GLMN: variants seen among roughly 807,000 people sequenced by gnomAD.
The protein encoded by GLMN is glomulin.
Under a neutral mutation model 87.8 loss-of-function variants are expected in GLMN, and 75 were observed. The observed-to-expected ratio is 0.85, with a 90% CI of 0.71 to 1.04. The LOEUF is 1.04. Ranked by LOEUF, GLMN falls within the 50% of genes least tolerant of loss-of-function variation. The pLI is 0.00. For missense variants in GLMN, 588 were observed against 658.8 expected, an observed-to-expected ratio of 0.89 and a Z score of 1.18; for synonymous variants, 206 against 221.6, an observed-to-expected ratio of 0.93 and a Z score of 0.63.
At chr1:92,258,437 T>G (rs923266701) in intron 16 of GLMN, among the ~76,000 whole-genome samples, 1 of 152,138 alleles carries the variant, frequency 6.6e-6, no homozygotes, top group Admixed American at 6.6e-5. Context: ...CATTCTACTA[T>G]AAAGACACAT....
At chr1:92,293,219 AT>A (rs2101051313) in intron 3 of GLMN, among the ~76,000 whole-genome samples, 1 of 152,332 alleles carries the variant, frequency 6.6e-6, no homozygotes, top group Admixed American at 6.5e-5. Context: ...ACGCATCATT[AT>A]CATCAGAGAA....
the GLMN span, among the ~76,000 whole-genome samples, chr1:92,367,598 T>C: frequency 6.6e-6 from 1 of 152,220 alleles, no homozygotes; most frequent in African/African-American, 2.4e-5. Context: ...ATCACCTTTA[T>C]GCATGGTAAT....
the GLMN span, among the ~76,000 whole-genome samples, chr1:92,314,565 C>T: frequency 1.3e-5 from 2 of 151,788 alleles, no homozygotes; most frequent in Non-Finnish European, 2.9e-5. Context: ...GCCTGGCCAA[C>T]AGGGTGAAAC....
chr1:92,330,482 C>G, the GLMN span, among the ~76,000 whole-genome samples: 1,720 of 93,450 alleles, frequency 0.018, 53 homozygotes, highest in African/African-American at 0.066. Context: ...GGAATCTTCT[C>G]TGTTGCCCAG....
chr1:92,309,148 G>A, the GLMN span, among the ~76,000 whole-genome samples: 1 of 151,940 alleles, frequency 6.6e-6, no homozygotes, highest in African/African-American at 2.4e-5. Flanking sequence ...AAAGAAAGAT[G>A]AAAATGTCCT....
intron 16 of GLMN, among the ~76,000 whole-genome samples, chr1:92,261,764 C>T (rs559969880): frequency 1.2e-3 from 180 of 151,402 alleles, no homozygotes; most frequent in Non-Finnish European, 2.3e-3. Flanking sequence ...TGAAATATTT[C>T]GGAGAAAGTA....
chr1:92,260,826 A>G (rs2100854440), intron 16 of GLMN, among the ~76,000 whole-genome samples: 1 of 151,830 alleles, frequency 6.6e-6, no homozygotes, highest in South Asian at 2.1e-4. Flanking sequence ...TCTTCACCAT[A>G]AAATGTACAT....
intron 16 of GLMN, among the ~76,000 whole-genome samples, chr1:92,258,225 A>G (rs1206286762): frequency 2.7e-5 from 4 of 149,674 alleles, no homozygotes; most frequent in African/African-American, 9.9e-5. Flanking sequence ...GCCAGTTAGA[A>G]TGGCGATCAT....
chr1:92,313,372 T>A, the GLMN span, among the ~76,000 whole-genome samples: 1 of 152,204 alleles, frequency 6.6e-6, no homozygotes, highest in Admixed American at 6.5e-5. Flanking sequence ...AACACTAATC[T>A]TGTACATTTG....
intron 4 of GLMN, among the ~76,000 whole-genome samples, chr1:92,291,143 A>C (rs1170306072): frequency 6.6e-6 from 1 of 152,240 alleles, no homozygotes; most frequent in East Asian, 1.9e-4. Context: ...ACTTGTTAAG[A>C]TATAGCTTCC....
At chr1:92,325,381 A>G in the GLMN span, among the ~76,000 whole-genome samples, 22 of 152,106 alleles carry the variant, frequency 1.4e-4, no homozygotes, top group Admixed American at 3.9e-4. Context: ...CCCTACTTCA[A>G]ATCATTTCAA....
chr1:92,351,384 TATC>T, the GLMN span, among the ~76,000 whole-genome samples: 3 of 151,688 alleles, frequency 2.0e-5, no homozygotes, highest in South Asian at 6.3e-4. Context: ...TATCAAAGTA[TATC>T]ATATTTGTTT....
chr1:92,333,490 C>T, the GLMN span: 1 of 1,557,382 alleles, frequency 6.4e-7, no homozygotes, highest in African/African-American at 1.4e-5. Flanking sequence ...ATGTAATTGC[C>T]ATTCCAGCTT....
At chr1:92,246,727 G>C in intron 18 of GLMN, 81 bp from the exon 19 acceptor site, 6 of 795,766 alleles carry the variant, frequency 7.5e-6, no homozygotes, top group Non-Finnish European at 1.4e-5. Flanking sequence ...ATTTCAGCTG[G>C]AGGTAGCTTA....
intron 16 of GLMN, among the ~76,000 whole-genome samples, chr1:92,248,804 TA>T (rs1653032413): frequency 6.6e-6 from 1 of 152,134 alleles, no homozygotes; most frequent in Admixed American, 6.5e-5. Context: ...GAATAATTGA[TA>T]ATATTAATGT....
the GLMN span, chr1:92,304,149 A>G: frequency 7.7e-7 from 1 of 1,299,298 alleles, no homozygotes; most frequent in Non-Finnish European, 1.1e-6. Context: ...TGTAAGAATA[A>G]GAAATAAAAC....
intron 7 of GLMN, among the ~76,000 whole-genome samples, chr1:92,284,840 T>G (rs1262533285): frequency 6.6e-6 from 1 of 152,068 alleles, no homozygotes; most frequent in Non-Finnish European, 1.5e-5. Context: ...AAGAAGACAT[T>G]TATACAGCCA....
At chr1:92,292,503 T>C (rs1191617577) in intron 3 of GLMN, among the ~76,000 whole-genome samples, 1 of 151,666 alleles carries the variant, frequency 6.6e-6, no homozygotes, top group Non-Finnish European at 1.5e-5. Flanking sequence ...CTCTGCTTCC[T>C]GGGTTCATGT....
At chr1:92,321,179 C>T in the GLMN span, among the ~76,000 whole-genome samples, 6 of 152,192 alleles carry the variant, frequency 3.9e-5, no homozygotes, top group African/African-American at 1.4e-4. Flanking sequence ...AGTCACATGG[C>T]GTTGAGCACA....
Sources: allele counts gnomAD v4.1 joint callset (sites outside exome capture counted in the v4.1 genomes callset), GRCh38; gene constraint gnomAD v4.1.1; transcripts MANE v1.5; gene names NCBI Gene and HGNC (gene_info 2026-07-23, HGNC 2026-07-21).